Variants in TACC2 observed in about 807,000 individuals in gnomAD.
The protein encoded by TACC2 is transforming acidic coiled-coil containing protein 2.
In TACC2, 137 loss-of-function variants were observed where a neutral mutation model predicts 227.3. The observed-to-expected ratio is 0.60, with a 90% CI of 0.52 to 0.69. The LOEUF is 0.69. Among genes scored for constraint, TACC2 ranks in the 30% least tolerant of loss-of-function variants. TACC2 has a pLI of 0.00. For synonymous variants in TACC2, 1,523 were observed against 1,487.5 expected, an observed-to-expected ratio of 1.02 and a Z score of -0.55; for missense variants, 3,470 against 3,694.4, an observed-to-expected ratio of 0.94 and a Z score of 1.57.
chr10:121,991,317 T>C (rs1953017969), intron 1 of TACC2, among the ~76,000 whole-genome samples: 1 of 152,240 alleles, frequency 6.6e-6, no homozygotes, highest in African/African-American at 2.4e-5. Context: ...CTCAGAGCTT[T>C]TAAATAATCA....
At chr10:122,094,784 C>T (rs762467644) in intron 5 of TACC2, among the ~76,000 whole-genome samples, 8 of 152,142 alleles carry the variant, frequency 5.3e-5, no homozygotes, top group Admixed American at 6.5e-5. Flanking sequence ...ATGGAAGAGC[C>T]GCTCACTGCC....
chr10:122,251,371 G>A (rs552772864), intron 22 of TACC2, among the ~76,000 whole-genome samples: 3 of 152,256 alleles, frequency 2.0e-5, no homozygotes, highest in South Asian at 2.1e-4. Context: ...TCCTCAGAAC[G>A]ACATATGCGG....
intron 5 of TACC2, among the ~76,000 whole-genome samples, chr10:122,102,607 C>A (rs1047917626): frequency 1.3e-5 from 2 of 152,164 alleles, no homozygotes; most frequent in African/African-American, 4.8e-5. Flanking sequence ...CCTATTTAGT[C>A]GAAGGCTTAT....
chr10:122,131,094 C>G (rs2087988511), intron 5 of TACC2, among the ~76,000 whole-genome samples: 1 of 149,300 alleles, frequency 6.7e-6, no homozygotes, highest in Non-Finnish European at 1.5e-5. Context: ...GGGAGGATTG[C>G]TTGAGCCTGG....
Position 122,228,143 on chromosome 10 carries a change from A to G in TACC2, c.7896+135A>G, listed in dbSNP as rs915029517. On this transcript the variant is annotated intron_variant, in intron 14 of 22. Coordinates refer to ENST00000369005, the MANE Select transcript of TACC2 (RefSeq NM_206862.4). ...TGGGTCCCACCCTGACTCCCTGACC[A>G]CAGAAGCCAACCTGGGAAATCCCAT... The G allele has an allele frequency of 1.1e-5, 9 of 844,150 alleles. 1 individual carries two copies. Among genetic ancestry groups the G allele is most frequent in the Non-Finnish European group, 1.5e-5 (8 of 549,842 alleles). The allele number at this position is 844,150 out of a possible 1,614,324, so 52.3% of individuals were successfully genotyped here. A position where few individuals can be genotyped will look rare whatever the true frequency, so the allele number is the denominator to read the frequency against.
intron 16 of TACC2, among the ~76,000 whole-genome samples, chr10:122,235,971 A>G (rs972440893): frequency 6.6e-6 from 1 of 152,200 alleles, no homozygotes; most frequent in African/African-American, 2.4e-5. Context: ...CCCAGGCAAC[A>G]GACGTTCAAT....
chr10:122,207,414 TA>T (rs2095153346), intron 8 of TACC2, among the ~76,000 whole-genome samples: 1 of 152,002 alleles, frequency 6.6e-6, no homozygotes, highest in African/African-American at 2.4e-5. Context: ...ACCAACACAA[TA>T]AGACAGCCGT....
At chr10:122,104,410 C>A (rs1229011293) in intron 5 of TACC2, among the ~76,000 whole-genome samples, 1 of 151,962 alleles carries the variant, frequency 6.6e-6, no homozygotes, top group Non-Finnish European at 1.5e-5. Flanking sequence ...GCTCTGTCAC[C>A]CAGGCTGGAG....
At chr10:122,101,480 G>A (rs553233432) in intron 5 of TACC2, among the ~76,000 whole-genome samples, 1 of 152,018 alleles carries the variant, frequency 6.6e-6, no homozygotes, top group South Asian at 2.1e-4. Flanking sequence ...AGCACTTTGG[G>A]AGGCCAAGGC....
rs71022902 is a variant in TACC2, at chr10:122,125,371, A to ATT, written c.5574-7230_5574-7229dup. 7.3e-5 allele frequency among the ~76,000 whole-genome samples: 11 copies of ATT among 150,712 alleles called. No individual in the cohort carries two copies. The South Asian group carries it at 1.3e-3, about 17-fold the overall frequency. On this transcript the variant is annotated intron_variant, in intron 5 of 22. Coordinates refer to ENST00000369005, the MANE Select transcript of TACC2 (RefSeq NM_206862.4). ...CCACCATGCCCAGATAATTTCTTGTATTTTTTTTTAGTAGAGATTGGGTTT... is the reference window on the plus strand; with the variant it reads ...CCACCATGCCCAGATAATTTCTTGTATTTTTTTTTTTAGTAGAGATTGGGTTT...
intron 6 of TACC2, among the ~76,000 whole-genome samples, chr10:122,133,672 T>C (rs1199367524): frequency 6.6e-6 from 1 of 152,168 alleles, no homozygotes; most frequent in Non-Finnish European, 1.5e-5. Flanking sequence ...CTGGAACTCA[T>C]GGCCCAGTGA....
chr10:122,210,442 A>G lies in TACC2; in HGVS notation c.6017A>G (p.Asp2006Gly). ...CCTGTCCCTGATGGCCCACGGAGCG[A>G]CTCGGTGGAAGGAAGTCCCTTCCGT... ...TVPVPDGPRS[D>G]SVEGSPFRPP... The change falls in exon 9 of 23, where the codon GAC becomes GGC. Residue 2006 changes from aspartate (D) to glycine (G), a missense_variant. By Grantham distance (94) the Asp-to-Gly change is moderately conservative. This residue lies in a region of TACC2 where 593 missense variants were observed against 636.6 expected (regional missense o/e 0.93). Coordinates refer to ENST00000369005, the MANE Select transcript of TACC2 (RefSeq NM_206862.4). The surrounding 1 kb of genome is among the most constrained non-coding windows in gnomAD (Gnocchi z 4.6). 1 of 1,613,654 alleles carries G rather than the reference A, an allele frequency of 6.2e-7. No individual in the cohort carries two copies. Among genetic ancestry groups the G allele is most frequent in the Non-Finnish European group, 8.5e-7 (1 of 1,179,918 alleles).
intron 8 of TACC2, among the ~76,000 whole-genome samples, chr10:122,203,676 G>A (rs1427943375): frequency 9.9e-5 from 15 of 151,722 alleles, no homozygotes; most frequent in Non-Finnish European, 1.8e-4. Context: ...TTTCCAGACT[G>A]GGCAGCCAGG....
At chr10:122,204,293 A>C (rs953250163) in intron 8 of TACC2, among the ~76,000 whole-genome samples, 5 of 152,104 alleles carry the variant, frequency 3.3e-5, no homozygotes, top group African/African-American at 4.8e-5. Flanking sequence ...AAGGATGAGG[A>C]GTGGCCCCAG....
At chr10:122,224,705 T>A in intron 11 of TACC2, 21 bp from the exon 12 acceptor site, 1 of 1,611,540 alleles carries the variant, frequency 6.2e-7, no homozygotes, top group South Asian at 1.1e-5. Flanking sequence ...TTTGTGTTTG[T>A]GTTTGTTTTT....
At chr10:122,104,513 C>T (rs1227986230) in intron 5 of TACC2, among the ~76,000 whole-genome samples, 2 of 152,148 alleles carry the variant, frequency 1.3e-5, no homozygotes, top group Middle Eastern at 3.4e-3. Flanking sequence ...TGATTACAGG[C>T]GCTTGCCACC....
intron 2 of TACC2, among the ~76,000 whole-genome samples, chr10:122,037,910 T>TTTTG (rs144221132): frequency 0.11 from 16,941 of 151,212 alleles, 1,614 homozygotes; most frequent in African/African-American, 0.26. Flanking sequence ...TTTTGTTGGT[T>TTTTG]TTTGTTTGTT....
At chr10:122,241,854 AG>A (rs771000481) in intron 18 of TACC2, 103 bp from the exon 19 acceptor site, 4 of 1,047,668 alleles carry the variant, frequency 3.8e-6, no homozygotes, top group African/African-American at 1.6e-5. Context: ...TGACCCTGGA[AG>A]TTGGGGCCCT....
chr10:122,206,469 C>T (rs1278801382), intron 8 of TACC2, among the ~76,000 whole-genome samples: 1 of 152,184 alleles, frequency 6.6e-6, no homozygotes, highest in East Asian at 1.9e-4. Context: ...GACCAGTGTT[C>T]CTATACGAAG....
Sources: allele counts gnomAD v4.1 joint callset (sites outside exome capture counted in the v4.1 genomes callset), GRCh38; gene constraint gnomAD v4.1.1; regional missense constraint gnomAD v4.1.1; non-coding constraint Gnocchi (gnomAD v3.1); transcripts MANE v1.5; gene names NCBI Gene and HGNC (gene_info 2026-07-23, HGNC 2026-07-21).